EXOC4: variants seen among roughly 807,000 people sequenced by gnomAD.
The protein encoded by EXOC4 is exocyst complex component 4.
In EXOC4, 71 loss-of-function variants were observed where a neutral mutation model predicts 107.2. The ratio of observed to expected loss-of-function variants is 0.66; its 90% CI spans 0.55 to 0.81. The LOEUF (loss-of-function observed/expected upper bound fraction) is 0.81. EXOC4 is among the 30% of genes least tolerant of loss of function. EXOC4 has a pLI of 0.00. For missense variants in EXOC4, 1,108 were observed against 1,189.6 expected (o/e 0.93, Z 1.01); for synonymous variants, 456 against 441.2 (o/e 1.03, Z -0.42).
At chr7:133,814,723 G>T (rs1405104053) in intron 10 of EXOC4, among the ~76,000 whole-genome samples, 1 of 152,118 alleles carries the variant, frequency 6.6e-6, no homozygotes, top group East Asian at 1.9e-4. Flanking sequence ...CAATTGCATT[G>T]TTGTAAAAAT....
intron 10 of EXOC4, among the ~76,000 whole-genome samples, chr7:133,654,200 A>C (rs1261601721): frequency 1.3e-5 from 2 of 152,200 alleles, no homozygotes; most frequent in Non-Finnish European, 2.9e-5. Context: ...AGGAATTTAA[A>C]GGAGGACCTT....
At chr7:133,822,822 G>T (rs1245822297) in intron 11 of EXOC4, among the ~76,000 whole-genome samples, 1 of 152,182 alleles carries the variant, frequency 6.6e-6, no homozygotes, top group Non-Finnish European at 1.5e-5. Context: ...ATGATACCCA[G>T]CGTGAAGTTA....
At chr7:133,526,042 T>TC (rs113382300) in intron 9 of EXOC4, among the ~76,000 whole-genome samples, 1 of 152,134 alleles carries the variant, frequency 6.6e-6, no homozygotes, top group African/African-American at 2.4e-5. Context: ...AGGGCTGAGT[T>TC]CCCCAAACAT....
At chr7:133,775,791 A>C (rs1372292282) in intron 10 of EXOC4, among the ~76,000 whole-genome samples, 2 of 152,196 alleles carry the variant, frequency 1.3e-5, no homozygotes, top group Non-Finnish European at 2.9e-5. Context: ...CTTTCAGTGA[A>C]GAAAGTCATG....
At chr7:133,497,250 A>T (rs1047756971) in intron 9 of EXOC4, among the ~76,000 whole-genome samples, 4 of 152,130 alleles carry the variant, frequency 2.6e-5, no homozygotes, top group Non-Finnish European at 4.4e-5. Flanking sequence ...GACCCACAGA[A>T]ATTGTGAGAT....
intron 9 of EXOC4, among the ~76,000 whole-genome samples, chr7:133,558,840 T>C (rs1368195459): frequency 6.6e-6 from 1 of 152,132 alleles, no homozygotes; most frequent in East Asian, 1.9e-4. Flanking sequence ...AAGAGAAGCC[T>C]AAGGGGCAGA....
intron 10 of EXOC4, among the ~76,000 whole-genome samples, chr7:133,710,122 G>A (rs916096300): frequency 1.3e-5 from 2 of 152,040 alleles, no homozygotes; most frequent in African/African-American, 4.8e-5. Context: ...TAGTAGCCAG[G>A]CATTTAGAGA....
At chr7:133,417,694 C>G (rs756099042) in intron 7 of EXOC4, among the ~76,000 whole-genome samples, 1 of 152,032 alleles carries the variant, frequency 6.6e-6, no homozygotes, top group African/African-American at 2.4e-5. Context: ...GAGTAATATC[C>G]CCTCTTGCTT....
At chr7:133,750,763 T>C (rs1021340624) in intron 10 of EXOC4, among the ~76,000 whole-genome samples, 1 of 152,000 alleles carries the variant, frequency 6.6e-6, no homozygotes, top group East Asian at 1.9e-4. Context: ...TTATTTTCTG[T>C]AGATAGGGGA....
At chr7:133,324,727 T>C (rs1251575488) in intron 5 of EXOC4, among the ~76,000 whole-genome samples, 2 of 152,220 alleles carry the variant, frequency 1.3e-5, no homozygotes, top group East Asian at 3.9e-4. Context: ...CTATTAGGTC[T>C]GCTTGGTGCA....
intron 7 of EXOC4, among the ~76,000 whole-genome samples, chr7:133,411,686 ATTCCATCTAAACATGTAT>A (rs1207319872): frequency 2.0e-5 from 3 of 152,076 alleles, no homozygotes; most frequent in Non-Finnish European, 4.4e-5. Flanking sequence ...TAGTCTTTGT[ATTCCATCTAAACATGTAT>A]TGACATTCTC....
At chr7:133,554,448 C>T (rs140114640) in intron 9 of EXOC4, among the ~76,000 whole-genome samples, 3 of 152,246 alleles carry the variant, frequency 2.0e-5, no homozygotes, top group Admixed American at 6.5e-5. Context: ...TTGCTCTGCT[C>T]GCCAACCTTA....
chr7:133,319,737 C>G (rs1422439975), intron 5 of EXOC4, among the ~76,000 whole-genome samples: 1 of 152,036 alleles, frequency 6.6e-6, no homozygotes, highest in Admixed American at 6.6e-5. Flanking sequence ...GCCTTGGCCT[C>G]CCAAAGTGTT....
chr7:133,585,824 G>A (rs1023804426), intron 9 of EXOC4, among the ~76,000 whole-genome samples: 1 of 152,002 alleles, frequency 6.6e-6, no homozygotes, highest in Admixed American at 6.5e-5. Context: ...CTCCCTTTTA[G>A]CTGGGACTAC....
At chr7:133,319,783 C>T (rs951849667) in intron 5 of EXOC4, among the ~76,000 whole-genome samples, 6 of 149,350 alleles carry the variant, frequency 4.0e-5, no homozygotes, top group East Asian at 2.0e-4. Flanking sequence ...CCTGGCCAGA[C>T]GTTTCTTTTT....
intron 14 of EXOC4, among the ~76,000 whole-genome samples, chr7:133,969,599 G>T (rs1219328885): frequency 6.6e-6 from 1 of 152,178 alleles, no homozygotes; most frequent in African/African-American, 2.4e-5. Context: ...AGGCCGCTCT[G>T]CTGTAGGTCT....
At chr7:133,550,330 C>T (rs916734267) in intron 9 of EXOC4, among the ~76,000 whole-genome samples, 6 of 152,134 alleles carry the variant, frequency 3.9e-5, no homozygotes, top group South Asian at 2.1e-4. Context: ...CTTTCATACC[C>T]GAATGTACTG....
intron 5 of EXOC4, among the ~76,000 whole-genome samples, chr7:133,326,694 C>G (rs1002566533): frequency 6.6e-6 from 1 of 152,210 alleles, no homozygotes; most frequent in African/African-American, 2.4e-5. Context: ...GTTCTCAGAT[C>G]TCAAATTCCG....
downstream of EXOC4, among the ~76,000 whole-genome samples, chr7:134,070,193 C>T (rs1211156253): frequency 4.6e-5 from 7 of 152,174 alleles, no homozygotes; most frequent in Non-Finnish European, 8.8e-5. Flanking sequence ...TCACTAGGCT[C>T]GGCAAGGTGT....
Sources: allele counts gnomAD v4.1 joint callset (sites outside exome capture counted in the v4.1 genomes callset), GRCh38; gene constraint gnomAD v4.1.1; transcripts MANE v1.5; gene names NCBI Gene and HGNC (gene_info 2026-07-23, HGNC 2026-07-21).